The following SLC12A8 variants were observed in gnomAD, a reference collection of about 807,000 sequenced individuals.
The protein encoded by SLC12A8 is solute carrier family 12 member 8, also known as cation-chloride cotransporter 9.
In SLC12A8, 69 loss-of-function variants were observed where a neutral mutation model predicts 75.6. The ratio of observed to expected loss-of-function variants is 0.91; its 90% CI spans 0.75 to 1.11. SLC12A8 has a LOEUF of 1.11. Ranked by LOEUF, SLC12A8 falls within the 50% of genes most tolerant of loss-of-function variation. The probability of loss-of-function intolerance (pLI) is 0.00; values close to 1 mark genes in which losing one functional copy is unlikely to be tolerated. For missense variants in SLC12A8, 877 were observed against 896.7 expected, an observed-to-expected ratio of 0.98 and a Z score of 0.28; for synonymous variants, 365 against 372.8, an observed-to-expected ratio of 0.98 and a Z score of 0.24.
chr3:125,161,829 G>A (rs770906391), intron 5 of SLC12A8, among the ~76,000 whole-genome samples: 10 of 152,188 alleles, frequency 6.6e-5, no homozygotes, highest in Admixed American at 1.3e-4. Flanking sequence ...TGACCCGGCC[G>A]CACTCTTTTG....
chr3:125,122,695 A>T, intron 6 of SLC12A8, among the ~76,000 whole-genome samples: 1 of 152,236 alleles, frequency 6.6e-6, no homozygotes, highest in South Asian at 2.1e-4. Flanking sequence ...ACTTCTCATC[A>T]AGGTAGGGCC....
At position 125,129,987 on chromosome 3, in the gene SLC12A8, C is replaced by T. The variant is rs111773250; in HGVS notation, c.736+5682G>A. On this transcript the variant is annotated intron_variant, in intron 6 of 13. Transcript: ENST00000469902. Reference sequence around the variant, plus strand: ...TAAGCTCCTCTGCACCCCTCCTCCCCAGCTGGTAAAATAAAGGATCAGATC... The same window carrying T: ...TAAGCTCCTCTGCACCCCTCCTCCCTAGCTGGTAAAATAAAGGATCAGATC... Among the ~76,000 whole-genome samples the T allele has an allele frequency of 6.4e-4, 98 of 152,280 alleles. 1 individual carries two copies. The highest frequency in any genetic ancestry group is 2.2e-3 in the African/African-American group (93 of 41,552).
intron 2 of SLC12A8, among the ~76,000 whole-genome samples, chr3:125,210,172 T>C (rs776573791): frequency 9.2e-5 from 14 of 152,256 alleles, no homozygotes; most frequent in Non-Finnish European, 1.3e-4. Context: ...TGTTTGTTCA[T>C]GTGATCAATC....
intron 8 of SLC12A8, chr3:125,110,722 C>T (rs1939165966): frequency 6.1e-6 from 1 of 164,834 alleles, no homozygotes; most frequent in Non-Finnish European, 1.3e-5. Flanking sequence ...CCACAATGCT[C>T]ATTGGCCTCT....
intron 2 of SLC12A8, among the ~76,000 whole-genome samples, chr3:125,198,064 T>C (rs1171014664): frequency 6.6e-6 from 1 of 152,230 alleles, no homozygotes; most frequent in East Asian, 1.9e-4. Flanking sequence ...ATGTAGCTCC[T>C]ACTATGATGT....
intron 5 of SLC12A8, among the ~76,000 whole-genome samples, chr3:125,177,014 A>C (rs993573493): frequency 2.6e-5 from 4 of 151,650 alleles, no homozygotes; most frequent in African/African-American, 9.7e-5. Flanking sequence ...TGCTATAAAG[A>C]CACATGCACA....
intron 6 of SLC12A8, 57 bp downstream of exon 6, chr3:125,135,611 TG>T: frequency 8.7e-7 from 1 of 1,146,760 alleles, no homozygotes; most frequent in Non-Finnish European, 1.2e-6. Context: ...TGCTGAATTT[TG>T]GAACCAAGAA....
At chr3:125,147,851 C>T (rs1933823826) in intron 5 of SLC12A8, among the ~76,000 whole-genome samples, 1 of 152,122 alleles carries the variant, frequency 6.6e-6, no homozygotes, top group African/African-American at 2.4e-5. Context: ...TGAAGCACTG[C>T]CTTAGAGTAT....
At chr3:125,084,141 C>G in intron 13 of SLC12A8, 89 bp from the exon 14 acceptor site, 1 of 1,022,846 alleles carries the variant, frequency 9.8e-7, no homozygotes, top group East Asian at 2.6e-5. Flanking sequence ...AAGAAATTAT[C>G]TGTAAACACA....
At chr3:125,158,069 T>A (rs148963308) in intron 5 of SLC12A8, among the ~76,000 whole-genome samples, 1 of 152,322 alleles carries the variant, frequency 6.6e-6, no homozygotes, top group East Asian at 1.9e-4. Flanking sequence ...AGGGACCGAA[T>A]GTTAGCAAGA....
chr3:125,127,987 C>T (rs1341124302), intron 6 of SLC12A8, among the ~76,000 whole-genome samples: 1 of 151,946 alleles, frequency 6.6e-6, no homozygotes, highest in Non-Finnish European at 1.5e-5. Flanking sequence ...AGTGATTCTC[C>T]TGCCTCAGCC....
At chr3:125,207,009 G>A (rs1468344474) in intron 2 of SLC12A8, among the ~76,000 whole-genome samples, 1 of 152,174 alleles carries the variant, frequency 6.6e-6, no homozygotes, top group Non-Finnish European at 1.5e-5. Flanking sequence ...AAGATTTGGT[G>A]GGGACACAGA....
intron 8 of SLC12A8, among the ~76,000 whole-genome samples, chr3:125,118,546 T>TGG (rs1482328885): frequency 1.3e-5 from 2 of 152,162 alleles, no homozygotes; most frequent in African/African-American, 4.8e-5. Context: ...GGAGAATTGC[T>TGG]TGAGCCTGGA....
chr3:125,176,076 T>C (rs1312510174), intron 5 of SLC12A8, among the ~76,000 whole-genome samples: 1 of 94,712 alleles, frequency 1.1e-5, no homozygotes, highest in African/African-American at 2.7e-5. Context: ...ACAACCAACA[T>C]TTTTCTAAAA....
chr3:125,122,636 C>T (rs12492332), intron 6 of SLC12A8, among the ~76,000 whole-genome samples: 19,476 of 152,160 alleles, frequency 0.13, 1,730 homozygotes, highest in East Asian at 0.35. Context: ...CAGGGCTGGA[C>T]GTTTGCACCC....
intron 4 of SLC12A8, among the ~76,000 whole-genome samples, chr3:125,184,338 T>C (rs1209764435): frequency 6.6e-6 from 1 of 152,236 alleles, no homozygotes; most frequent in African/African-American, 2.4e-5. Flanking sequence ...AGGGAAGGGA[T>C]TGACAAACTG....
chr3:125,183,997 G>GAGT (rs1222005014), intron 4 of SLC12A8, among the ~76,000 whole-genome samples: 1 of 151,716 alleles, frequency 6.6e-6, no homozygotes, highest in Non-Finnish European at 1.5e-5. Context: ...TTTTGAAATG[G>GAGT]AGTATCGCTC....
chr3:125,159,143 T>G (rs1342213134), intron 5 of SLC12A8, among the ~76,000 whole-genome samples: 1 of 152,244 alleles, frequency 6.6e-6, no homozygotes, highest in Non-Finnish European at 1.5e-5. Context: ...AATTAAAAAT[T>G]TTTTAAGTAT....
intron 5 of SLC12A8, among the ~76,000 whole-genome samples, chr3:125,168,131 T>C (rs929001337): frequency 6.6e-6 from 1 of 152,208 alleles, no homozygotes; most frequent in Admixed American, 6.5e-5. Context: ...ATTATCTAAA[T>C]GGCCCACAGA....
Sources: allele counts gnomAD v4.1 joint callset (sites outside exome capture counted in the v4.1 genomes callset), GRCh38; gene constraint gnomAD v4.1.1; transcripts MANE v1.5; gene names NCBI Gene and HGNC (gene_info 2026-07-23, HGNC 2026-07-21).